The following CAST variants were observed in gnomAD, a reference collection of about 807,000 sequenced individuals.
CAST encodes the protein calpastatin.
In CAST, 76 loss-of-function variants were observed where a neutral mutation model predicts 119.6. The ratio of observed to expected loss-of-function variants is 0.64; its 90% CI spans 0.53 to 0.77. CAST has a LOEUF of 0.77. Ranked by LOEUF, CAST falls within the 30% of genes least tolerant of loss-of-function variation. CAST has a pLI of 0.00. For synonymous variants in CAST, 319 were observed against 331.6 expected (o/e 0.96, Z 0.41); for missense variants, 953 against 946.5 (o/e 1.01, Z -0.09).
At chr5:96,001,700 G>A in the CAST span, among the ~76,000 whole-genome samples, 9 of 152,172 alleles carry the variant, frequency 5.9e-5, no homozygotes, top group African/African-American at 1.9e-4. Context: ...TTGTTAAGAA[G>A]TATGTTTTTA....
chr5:96,354,197 TC>T, the CAST span, among the ~76,000 whole-genome samples: 1 of 152,192 alleles, frequency 6.6e-6, no homozygotes, highest in Non-Finnish European at 1.5e-5. Flanking sequence ...CTGCTCATTT[TC>T]CCCTTCCCAA....
At chr5:96,073,402 C>T in the CAST span, among the ~76,000 whole-genome samples, 1 of 152,140 alleles carries the variant, frequency 6.6e-6, no homozygotes, top group South Asian at 2.1e-4. Context: ...ATAACTTTTG[C>T]AAATAGAAAA....
the CAST span, among the ~76,000 whole-genome samples, chr5:96,366,161 C>A: frequency 6.6e-6 from 1 of 152,082 alleles, no homozygotes; most frequent in East Asian, 1.9e-4. Flanking sequence ...TGGCCCCCAC[C>A]CTCTTCTGTC....
At chr5:96,399,069 G>T in the CAST span, 72 of 1,530,478 alleles carry the variant, frequency 4.7e-5, 1 homozygote, top group South Asian at 6.2e-4. Context: ...ATTGAATAAA[G>T]TATATCCAAA....
At chr5:95,982,600 G>A in the CAST span, among the ~76,000 whole-genome samples, 1 of 152,202 alleles carries the variant, frequency 6.6e-6, no homozygotes, top group African/African-American at 2.4e-5. Context: ...TGTTGGGCAT[G>A]TAAAATGCAG....
Position 96,722,709 on chromosome 5 carries a change from T to C in CAST, c.270+11T>C. On this transcript the variant is annotated intron_variant, in intron 4 of 31. Coordinates refer to ENST00000675179, the MANE Select transcript of CAST (RefSeq NM_001750.7). Reference sequence around the variant, plus strand: ...CCCACAGAAACCAAGGTATGAAGAATGCTAATTGAGTGAGTGCTAATTTAA... The same window carrying C: ...CCCACAGAAACCAAGGTATGAAGAACGCTAATTGAGTGAGTGCTAATTTAA... The C allele has an allele frequency of 6.3e-7, 1 of 1,598,102 alleles. No individual in the cohort carries two copies. Among genetic ancestry groups the C allele is most frequent in the Non-Finnish European group, 8.6e-7 (1 of 1,165,344 alleles).
At chr5:96,598,098 G>A (rs1030958328) in intron 1 of CAST, among the ~76,000 whole-genome samples, 4 of 152,142 alleles carry the variant, frequency 2.6e-5, no homozygotes, top group Non-Finnish European at 5.9e-5. Flanking sequence ...ATCAGAGCTT[G>A]TACAACCTGC....
the CAST span, among the ~76,000 whole-genome samples, chr5:96,271,161 G>C: frequency 6.6e-6 from 1 of 152,148 alleles, no homozygotes. Flanking sequence ...GATATTCTGT[G>C]TTCATGGTTT....
the CAST span, among the ~76,000 whole-genome samples, chr5:96,286,077 T>G: frequency 6.6e-6 from 1 of 152,300 alleles, no homozygotes; most frequent in Non-Finnish European, 1.5e-5. Context: ...AGAGGCTGAG[T>G]ACTACCAACT....
chr5:96,386,390 A>G, the CAST span, among the ~76,000 whole-genome samples: 2 of 152,164 alleles, frequency 1.3e-5, no homozygotes, highest in African/African-American at 4.8e-5. Flanking sequence ...TTCAGTCTAC[A>G]CTGGTGATGA....
At chr5:96,298,212 A>G in the CAST span, among the ~76,000 whole-genome samples, 1 of 152,228 alleles carries the variant, frequency 6.6e-6, no homozygotes, top group Non-Finnish European at 1.5e-5. Context: ...ACCGTTACAA[A>G]ACAGGATGTA....
chr5:96,161,078 T>C, the CAST span, among the ~76,000 whole-genome samples: 86 of 152,302 alleles, frequency 5.6e-4, no homozygotes, highest in African/African-American at 2.0e-3. Context: ...ACTTTATTGA[T>C]GGTGTCCTTT....
the CAST span, among the ~76,000 whole-genome samples, chr5:96,323,707 A>G: frequency 6.6e-6 from 1 of 152,144 alleles, no homozygotes; most frequent in Non-Finnish European, 1.5e-5. Flanking sequence ...AAGGGTTGTC[A>G]TTGTTAAGGA....
At chr5:96,587,151 T>A (rs1746874009) in intron 1 of CAST, among the ~76,000 whole-genome samples, 1 of 151,964 alleles carries the variant, frequency 6.6e-6, no homozygotes, top group Non-Finnish European at 1.5e-5. Context: ...ACAGAACCCC[T>A]CATTTTCAAT....
At chr5:96,320,870 T>TGGC in the CAST span, among the ~76,000 whole-genome samples, 1 of 152,040 alleles carries the variant, frequency 6.6e-6, no homozygotes, top group Admixed American at 6.5e-5. Context: ...AAAACAGAGG[T>TGGC]GGCACACCAG....
intron 1 of CAST, among the ~76,000 whole-genome samples, chr5:96,587,547 A>G (rs745563885): frequency 5.3e-5 from 8 of 152,178 alleles, no homozygotes; most frequent in African/African-American, 1.7e-4. Context: ...AAGGTAAGTG[A>G]TTGTTTCTTT....
At chr5:96,592,400 CA>C (rs1481811870) in intron 1 of CAST, among the ~76,000 whole-genome samples, 1 of 151,460 alleles carries the variant, frequency 6.6e-6, no homozygotes, top group South Asian at 2.1e-4. Flanking sequence ...GACTTTGTCT[CA>C]AAAAAAGGGG....
chr5:96,409,943 C>G, the CAST span, among the ~76,000 whole-genome samples: 1 of 152,178 alleles, frequency 6.6e-6, no homozygotes, highest in East Asian at 1.9e-4. Flanking sequence ...AGGAATCTTG[C>G]ACGCATTCCA....
chr5:96,695,373 A>T (rs1197423627), intron 2 of CAST, among the ~76,000 whole-genome samples: 2 of 152,172 alleles, frequency 1.3e-5, no homozygotes. Context: ...TACTGTTTTC[A>T]GCTTTTTTAG....
Sources: allele counts gnomAD v4.1 joint callset (sites outside exome capture counted in the v4.1 genomes callset), GRCh38; gene constraint gnomAD v4.1.1; transcripts MANE v1.5; gene names NCBI Gene and HGNC (gene_info 2026-07-23, HGNC 2026-07-21).